Variants in DLG2 observed in about 807,000 individuals in gnomAD.
DLG2 encodes discs large MAGUK scaffold protein 2, also known as disks large homolog 2.
In DLG2, 45 loss-of-function variants were observed where a neutral mutation model predicts 132.5. The observed-to-expected ratio is 0.34, with a 90% CI of 0.27 to 0.44. The LOEUF is 0.44. DLG2 is among the 20% of genes least tolerant of loss of function. The pLI, the probability that DLG2 is intolerant of heterozygous loss-of-function variation, is 1.00. For missense variants in DLG2, 1,045 were observed against 1,196.9 expected (o/e 0.87, Z 1.87); for synonymous variants, 424 against 419.6 (o/e 1.01, Z -0.13).
intron 3 of DLG2, among the ~76,000 whole-genome samples, chr11:85,554,674 G>T (rs1200173052): frequency 1.3e-5 from 2 of 151,840 alleles, no homozygotes; most frequent in Admixed American, 6.6e-5. Flanking sequence ...GATTAGGACT[G>T]GGGGGAGCTG....
intron 7 of DLG2, among the ~76,000 whole-genome samples, chr11:84,348,426 A>G (rs1239819569): frequency 6.6e-6 from 1 of 152,200 alleles, no homozygotes; most frequent in Non-Finnish European, 1.5e-5. Context: ...ATCCAAGAAG[A>G]AAGATATTCC....
chr11:84,795,828 G>A (rs956506766), intron 6 of DLG2, among the ~76,000 whole-genome samples: 9 of 152,054 alleles, frequency 5.9e-5, no homozygotes, highest in Non-Finnish European at 1.0e-4. Flanking sequence ...CATGTTCCCC[G>A]GTGCCCACCG....
intron 3 of DLG2, among the ~76,000 whole-genome samples, chr11:85,427,800 C>A (rs2090876801): frequency 6.6e-6 from 1 of 152,178 alleles, no homozygotes; most frequent in South Asian, 2.1e-4. Flanking sequence ...TGTAAATGGA[C>A]TAAATGCTCC....
chr11:85,028,937 G>A (rs545980478), intron 6 of DLG2, among the ~76,000 whole-genome samples: 16 of 152,266 alleles, frequency 1.1e-4, no homozygotes, highest in Admixed American at 2.0e-4. Context: ...TGCAGTTGGC[G>A]TCTTCTCAGT....
intron 6 of DLG2, among the ~76,000 whole-genome samples, chr11:85,095,015 A>C (rs954665034): frequency 3.3e-5 from 5 of 152,204 alleles, no homozygotes; most frequent in Non-Finnish European, 5.9e-5. Context: ...TGTCTCAAAA[A>C]ACAGAGAAGC....
chr11:85,214,416 G>A (rs892657950), intron 4 of DLG2, among the ~76,000 whole-genome samples: 27 of 151,892 alleles, frequency 1.8e-4, no homozygotes, highest in Non-Finnish European at 3.7e-4. Flanking sequence ...GAATACAGTT[G>A]AAATTCCTCA....
intron 3 of DLG2, among the ~76,000 whole-genome samples, chr11:85,598,443 T>C (rs754922776): frequency 4.6e-5 from 7 of 152,132 alleles, no homozygotes; most frequent in Non-Finnish European, 8.8e-5. Flanking sequence ...CCTCTTTTTA[T>C]TTATATTTTC....
rs558173487 is a variant in DLG2 at position 84,859,416 on chromosome 11, G to A, written c.357+252245C>T. Among the ~76,000 whole-genome samples, 125 of 139,722 alleles carry A rather than the reference G, an allele frequency of 8.9e-4. 1 individual carries two copies. Among genetic ancestry groups the A allele is most frequent in the African/African-American group, 3.3e-3 (123 of 37,274 alleles). The allele number at this position is 139,722 out of a possible 152,430, so 91.7% of individuals were successfully genotyped here. ...TATATATGTATATATACATATATAT[G>A]TATACATATACATATATATGTATAT... On this transcript the variant is annotated intron_variant, in intron 6 of 27. Transcript: ENST00000376104.
intron 3 of DLG2, among the ~76,000 whole-genome samples, chr11:85,586,135 G>C (rs1383984603): frequency 6.6e-6 from 1 of 152,168 alleles, no homozygotes; most frequent in Non-Finnish European, 1.5e-5. Flanking sequence ...CTAGTATTTT[G>C]TGGAGGATTT....
chr11:83,843,290 T>C (rs1193833917), intron 16 of DLG2, among the ~76,000 whole-genome samples: 1 of 152,164 alleles, frequency 6.6e-6, no homozygotes, highest in East Asian at 1.9e-4. Context: ...TGCCTTTTCC[T>C]GCTATTCTCA....
At chr11:84,374,396 C>G (rs1290847175) in intron 7 of DLG2, among the ~76,000 whole-genome samples, 1 of 152,224 alleles carries the variant, frequency 6.6e-6, no homozygotes, top group Non-Finnish European at 1.5e-5. Context: ...TCGCAGCCCA[C>G]AGGCTGCATG....
chr11:84,982,798 G>T (rs190914454), intron 6 of DLG2, among the ~76,000 whole-genome samples: 186 of 151,860 alleles, frequency 1.2e-3, no homozygotes, highest in African/African-American at 4.3e-3. Context: ...AAATCAATAT[G>T]GTACATCATA....
chr11:84,917,837 T>C (rs2092561849), intron 6 of DLG2, among the ~76,000 whole-genome samples: 1 of 152,130 alleles, frequency 6.6e-6, no homozygotes, highest in Non-Finnish European at 1.5e-5. Context: ...CTCACAACCA[T>C]TTGGAGACCA....
At chr11:84,411,651 T>C (rs2098904959) in intron 7 of DLG2, among the ~76,000 whole-genome samples, 3 of 152,158 alleles carry the variant, frequency 2.0e-5, no homozygotes. Context: ...CAATTGTTAA[T>C]AGAATGAAAC....
At chr11:83,572,905 C>T (rs1000166260) in intron 19 of DLG2, among the ~76,000 whole-genome samples, 7 of 152,160 alleles carry the variant, frequency 4.6e-5, no homozygotes, top group African/African-American at 1.2e-4. Flanking sequence ...AGGACTTGAA[C>T]CTGACTCTTC....
chr11:83,701,893 A>G (rs2083015497), intron 18 of DLG2, among the ~76,000 whole-genome samples: 1 of 152,248 alleles, frequency 6.6e-6, no homozygotes, highest in East Asian at 1.9e-4. Flanking sequence ...TGAGTATACA[A>G]GGAAGTTTCT....
chr11:84,918,580 A>G (rs900808824), intron 6 of DLG2, among the ~76,000 whole-genome samples: 1 of 152,184 alleles, frequency 6.6e-6, no homozygotes, highest in African/African-American at 2.4e-5. Context: ...GGTGAAAATT[A>G]GCATGATAAA....
At chr11:84,166,500 C>CAAAAAAA (rs398016937) in intron 8 of DLG2, among the ~76,000 whole-genome samples, 14 of 80,832 alleles carry the variant, frequency 1.7e-4, no homozygotes, top group South Asian at 5.3e-4. Context: ...GACTCTGCTT[C>CAAAAAAA]AAAAAAAAAA....
chr11:85,606,965 C>G (rs1408713900), intron 2 of DLG2, among the ~76,000 whole-genome samples: 4 of 152,134 alleles, frequency 2.6e-5, no homozygotes. Flanking sequence ...TAACACTCAC[C>G]ACGAGGGTCC....
Sources: allele counts gnomAD v4.1 joint callset (sites outside exome capture counted in the v4.1 genomes callset), GRCh38; gene constraint gnomAD v4.1.1; transcripts MANE v1.5; gene names NCBI Gene and HGNC (gene_info 2026-07-23, HGNC 2026-07-21).